Variants in PCDH11X observed in about 807,000 individuals in gnomAD.
PCDH11X encodes the protein protocadherin 11 X-linked.
Under a neutral mutation model 53.3 loss-of-function variants are expected in PCDH11X, and 18 were observed. The observed-to-expected ratio is 0.34, with a 90% CI of 0.23 to 0.50. The LOEUF (loss-of-function observed/expected upper bound fraction) is 0.50. PCDH11X is among the 20% of genes least tolerant of loss of function. PCDH11X has a pLI of 0.98. For missense variants in PCDH11X, 570 were observed against 1,032.4 expected (o/e 0.55, Z 6.14); for synonymous variants, 279 against 393.3 (o/e 0.71, Z 3.44).
At chrX:92,067,415 A>C (rs2148073051) in intron 6 of PCDH11X, among the ~76,000 whole-genome samples, 1 of 111,534 alleles carries the variant, frequency 9.0e-6, no homozygotes, top group African/African-American at 3.3e-5. Context: ...CAATTGAGAT[A>C]ACCATATGGT....
At position 91,794,441 on chromosome X, in the gene PCDH11X, G is replaced by A. The variant is rs1201982832; in HGVS notation, c.-379+14757G>A. Among the ~76,000 whole-genome samples the A allele has an allele frequency of 6.3e-5, 7 of 111,385 alleles. No homozygotes were observed. The East Asian group carries it at 2.0e-3, about 32-fold the overall frequency. On this transcript the variant is annotated intron_variant, in intron 1 of 10. Transcript: ENST00000682573. The stretch of plus-strand genomic sequence containing the variant: ...ACCTAGGAATTATGTAGTGATTTGA[G>A]ATTTTTAATAAAGGAAGGAAAAGAA...
chrX:92,419,264 GT>G (rs1434733781), intron 9 of PCDH11X, among the ~76,000 whole-genome samples: 1 of 90,484 alleles, frequency 1.1e-5, no homozygotes, highest in Non-Finnish European at 2.1e-5. Context: ...TCTGTTTTCT[GT>G]TTTTTTGTTC....
intron 8 of PCDH11X, among the ~76,000 whole-genome samples, chrX:92,277,003 G>A (rs770041635): frequency 1.0e-3 from 113 of 111,440 alleles, no homozygotes; most frequent in African/African-American, 3.6e-3. Flanking sequence ...GGCTAGTCAC[G>A]GAAAGAAACT....
intron 6 of PCDH11X, among the ~76,000 whole-genome samples, chrX:92,145,350 G>T (rs1237639136): frequency 9.1e-6 from 1 of 110,259 alleles, no homozygotes; most frequent in Non-Finnish European, 1.9e-5. Flanking sequence ...GATTTATTTT[G>T]CTTTGTATGG....
chrX:92,033,876 A>C (rs1434217766), intron 6 of PCDH11X, among the ~76,000 whole-genome samples: 1 of 108,894 alleles, frequency 9.2e-6, no homozygotes, highest in African/African-American at 3.3e-5. Flanking sequence ...TTTTTTTTTA[A>C]ATGTAAGCAC....
chrX:92,526,187 G>A (rs2074450700), intron 10 of PCDH11X, among the ~76,000 whole-genome samples: 1 of 111,051 alleles, frequency 9.0e-6, no homozygotes, highest in Non-Finnish European at 1.9e-5. Flanking sequence ...TTGGTATATG[G>A]TTCCAGTTCT....
intron 7 of PCDH11X, among the ~76,000 whole-genome samples, chrX:92,247,415 G>T (rs972631383): frequency 1.8e-5 from 2 of 111,886 alleles, no homozygotes; most frequent in African/African-American, 6.5e-5. Context: ...CTCTTTTCCT[G>T]AGGTGGAAGC....
intron 6 of PCDH11X, among the ~76,000 whole-genome samples, chrX:92,013,470 T>C (rs748597264): frequency 0.014 from 1,537 of 111,430 alleles, 22 homozygotes; most frequent in African/African-American, 0.047. Flanking sequence ...AGGTAATTTA[T>C]AGATTCAATG....
intron 6 of PCDH11X, among the ~76,000 whole-genome samples, chrX:92,153,414 A>T (rs2065474952): frequency 9.0e-6 from 1 of 111,339 alleles, no homozygotes; most frequent in African/African-American, 3.3e-5. Context: ...TTAGCCTAGA[A>T]ATAATAATTA....
At chrX:92,435,867 A>G (rs2072357991) in intron 9 of PCDH11X, among the ~76,000 whole-genome samples, 1 of 110,028 alleles carries the variant, frequency 9.1e-6, no homozygotes. Flanking sequence ...ACACTATAAA[A>G]CAATCACACA....
intron 8 of PCDH11X, among the ~76,000 whole-genome samples, chrX:92,383,826 T>G (rs2070948079): frequency 8.9e-6 from 1 of 111,976 alleles, no homozygotes; most frequent in South Asian, 3.8e-4. Flanking sequence ...TTTATAATCC[T>G]TTGGGTATAT....
At chrX:91,796,661 A>G (rs1935744719) in intron 1 of PCDH11X, among the ~76,000 whole-genome samples, 1 of 111,862 alleles carries the variant, frequency 8.9e-6, no homozygotes, top group African/African-American at 3.2e-5. Flanking sequence ...ATTTTGAACC[A>G]AAGATTATGG....
At chrX:92,567,023 G>T (rs760022475) in intron 10 of PCDH11X, among the ~76,000 whole-genome samples, 42 of 104,525 alleles carry the variant, frequency 4.0e-4, no homozygotes, top group African/African-American at 1.4e-3. Flanking sequence ...TTTGGTTACC[G>T]TAGCCTTGTA....
At chrX:92,481,129 T>C (rs1365125169) in intron 10 of PCDH11X, among the ~76,000 whole-genome samples, 1 of 110,987 alleles carries the variant, frequency 9.0e-6, no homozygotes, top group Admixed American at 9.6e-5. Context: ...CTGTTCCTAG[T>C]TTCACTCTGG....
intron 6 of PCDH11X, among the ~76,000 whole-genome samples, chrX:92,036,716 G>A (rs2063131490): frequency 9.0e-6 from 1 of 111,577 alleles, no homozygotes; most frequent in Non-Finnish European, 1.9e-5. Context: ...ACCCGAAAAT[G>A]TGGAAGCAAC....
At chrX:92,258,647 G>T (rs919347910) in intron 7 of PCDH11X, among the ~76,000 whole-genome samples, 1 of 111,787 alleles carries the variant, frequency 8.9e-6, no homozygotes, top group Non-Finnish European at 1.9e-5. Flanking sequence ...GATTACAGGC[G>T]TGAGCCACTG....
At chrX:91,825,552 C>A (rs1179103025) in intron 4 of PCDH11X, among the ~76,000 whole-genome samples, 1 of 111,552 alleles carries the variant, frequency 9.0e-6, no homozygotes, top group Non-Finnish European at 1.9e-5. Flanking sequence ...GGTGCGCGCA[C>A]CCACTGACCT....
chrX:92,249,910 G>A (rs143272461), intron 7 of PCDH11X, among the ~76,000 whole-genome samples: 7,073 of 111,056 alleles, frequency 0.064, 453 homozygotes, highest in African/African-American at 0.19. Context: ...CAATATCATC[G>A]TCCCATGATA....
At chrX:92,374,879 A>G (rs1458281799) in intron 8 of PCDH11X, among the ~76,000 whole-genome samples, 1 of 109,315 alleles carries the variant, frequency 9.1e-6, no homozygotes, top group Non-Finnish European at 1.9e-5. Context: ...AATTTATGAA[A>G]ATGTCCAAAG....
Sources: gnomAD v4.1 joint callset for allele counts (sites outside exome capture counted in the v4.1 genomes callset) on GRCh38, gnomAD v4.1.1 for gene constraint, MANE v1.5 for transcripts, NCBI Gene and HGNC (gene_info 2026-07-23, HGNC 2026-07-21) for gene names.